Variants in XKR6 observed in about 807,000 individuals in gnomAD.
The protein encoded by XKR6 is XK related 6, also known as XK-related protein 6.
Under a neutral mutation model 56.7 loss-of-function variants are expected in XKR6, and 22 were observed. That is an observed-to-expected ratio of 0.39 (90% CI 0.28 to 0.55). The LOEUF (loss-of-function observed/expected upper bound fraction) is 0.55. XKR6 is among the 20% of genes least tolerant of loss of function. The pLI is 0.66. For synonymous variants in XKR6, 524 were observed against 387.8 expected, an observed-to-expected ratio of 1.35 and a Z score of -4.13; for missense variants, 852 against 889.0, an observed-to-expected ratio of 0.96 and a Z score of 0.53.
chr8:11,058,680 C>T (rs1799748834), intron 1 of XKR6, among the ~76,000 whole-genome samples: 1 of 152,058 alleles, frequency 6.6e-6, no homozygotes, highest in South Asian at 2.1e-4. Context: ...CACACCGGAG[C>T]CTGTCGTGGG....
Position 11,058,860 on chromosome 8 carries a change from A to G in XKR6, c.765-134030T>C, listed in dbSNP as rs143737030. Among the ~76,000 whole-genome samples, 18 of 152,366 alleles carry G rather than the reference A, an allele frequency of 1.2e-4. No homozygotes were observed. The East Asian group carries it at 2.1e-3, about 18-fold the overall frequency. ...CCAGAACTTAGTAAAATTTTTAAAAAAAGAAAGGAATGTATAGTCACTGTG... is the reference window on the plus strand; with the variant it reads ...CCAGAACTTAGTAAAATTTTTAAAAGAAGAAAGGAATGTATAGTCACTGTG... On this transcript the variant is annotated intron_variant, in intron 1 of 2. Transcript: ENST00000416569.
At chr8:10,938,195 C>T (rs905908302) in intron 1 of XKR6, among the ~76,000 whole-genome samples, 66 of 152,294 alleles carry the variant, frequency 4.3e-4, no homozygotes, top group African/African-American at 1.4e-3. Flanking sequence ...TTCTTTGACT[C>T]GGAAAGGGAA....
At chr8:10,935,340 C>CA (rs1441653803) in intron 1 of XKR6, among the ~76,000 whole-genome samples, 5 of 136,472 alleles carry the variant, frequency 3.7e-5, no homozygotes, top group African/African-American at 1.5e-4. Flanking sequence ...TTGATCCTTT[C>CA]AAAAAACCAG....
Position 11,112,417 on chromosome 8 carries a change from G to GA in XKR6, c.764+88158dup, listed in dbSNP as rs917133052. ...AAAGAGGTAGGCCTTTTTTGAAAAA[G>GA]AAAAAAAAACAATTTTTTGGCAAAA... On this transcript the variant is annotated intron_variant, in intron 1 of 2. Coordinates refer to ENST00000416569, the MANE Select transcript of XKR6 (RefSeq NM_173683.4). 2.1e-3 allele frequency among the ~76,000 whole-genome samples: 304 copies of GA among 145,226 alleles called. 2 individuals carry two copies. The highest frequency in any genetic ancestry group is 7.2e-3 in the South Asian group (33 of 4,570).
chr8:10,920,495 A>G (rs1800678431), intron 2 of XKR6, among the ~76,000 whole-genome samples: 1 of 152,172 alleles, frequency 6.6e-6, no homozygotes, highest in African/African-American at 2.4e-5. Context: ...CCCTCCAGGC[A>G]CCCATGTGAC....
At chr8:11,115,107 G>A (rs180690874) in intron 1 of XKR6, among the ~76,000 whole-genome samples, 103 of 152,284 alleles carry the variant, frequency 6.8e-4, no homozygotes, top group African/African-American at 2.2e-3. Context: ...AGGGCAGTAT[G>A]TATTAAGTGA....
chr8:11,152,159 C>G (rs17725534), intron 1 of XKR6, among the ~76,000 whole-genome samples: 33,790 of 152,070 alleles, frequency 0.22, 4,457 homozygotes, highest in Non-Finnish European at 0.3. Context: ...AAAAGTGACA[C>G]TCTTGGGAAT....
chr8:10,988,239 G>A (rs1255784675), intron 1 of XKR6, among the ~76,000 whole-genome samples: 1 of 152,080 alleles, frequency 6.6e-6, no homozygotes, highest in African/African-American at 2.4e-5. Flanking sequence ...ATGGGGGTAT[G>A]GATTCTTAAT....
intron 1 of XKR6, among the ~76,000 whole-genome samples, chr8:11,031,823 C>T (rs1177047957): frequency 6.6e-6 from 1 of 152,248 alleles, no homozygotes; most frequent in Non-Finnish European, 1.5e-5. Flanking sequence ...CATTCCTATA[C>T]TGGAATGGAA....
intron 1 of XKR6, among the ~76,000 whole-genome samples, chr8:11,025,906 C>A (rs1287783732): frequency 6.6e-6 from 1 of 152,128 alleles, no homozygotes; most frequent in Non-Finnish European, 1.5e-5. Flanking sequence ...CTGGTCCAAA[C>A]TGAAATGTGC....
intron 1 of XKR6, chr8:11,124,312 T>C: frequency 3.0e-6 from 1 of 334,242 alleles, no homozygotes. Flanking sequence ...CCTTCATTTC[T>C]ACTGGACTCT....
chr8:11,056,539 C>G (rs577675138), intron 1 of XKR6, among the ~76,000 whole-genome samples: 172 of 152,262 alleles, frequency 1.1e-3, no homozygotes, highest in African/African-American at 4.1e-3. Flanking sequence ...AATGCAACTC[C>G]TCAAAGAGCA....
intron 1 of XKR6, among the ~76,000 whole-genome samples, chr8:11,061,135 C>T (rs1432775171): frequency 6.6e-6 from 1 of 152,176 alleles, no homozygotes; most frequent in African/African-American, 2.4e-5. Flanking sequence ...GGGGCTAAAG[C>T]AGAATAGATG....
At chr8:11,092,110 A>C (rs1798091983) in intron 1 of XKR6, among the ~76,000 whole-genome samples, 2 of 152,194 alleles carry the variant, frequency 1.3e-5, no homozygotes, top group South Asian at 4.1e-4. Context: ...AAAGAGTATA[A>C]ATAATCTTAA....
intron 1 of XKR6, among the ~76,000 whole-genome samples, chr8:10,931,128 T>C (rs1185637850): frequency 1.3e-5 from 2 of 152,184 alleles, no homozygotes; most frequent in East Asian, 3.8e-4. Flanking sequence ...ATTGCGTTTC[T>C]ATAAATGATT....
At chr8:11,080,989 G>C (rs969444730) in intron 1 of XKR6, among the ~76,000 whole-genome samples, 1 of 152,176 alleles carries the variant, frequency 6.6e-6, no homozygotes, top group African/African-American at 2.4e-5. Flanking sequence ...AAATAATCAA[G>C]AAGAAAACTC....
intron 1 of XKR6, among the ~76,000 whole-genome samples, chr8:10,942,364 C>G (rs1346044387): frequency 6.6e-6 from 1 of 152,218 alleles, no homozygotes; most frequent in East Asian, 1.9e-4. Context: ...TATACAGATA[C>G]GTGTGGACAC....
intron 1 of XKR6, among the ~76,000 whole-genome samples, chr8:10,962,431 T>A (rs1378691842): frequency 6.6e-6 from 1 of 152,174 alleles, no homozygotes; most frequent in African/African-American, 2.4e-5. Flanking sequence ...GAGGTAGGAC[T>A]TGACTTCCTT....
chr8:11,065,037 T>C (rs914978387), intron 1 of XKR6, among the ~76,000 whole-genome samples: 1 of 152,216 alleles, frequency 6.6e-6, no homozygotes, highest in African/African-American at 2.4e-5. Flanking sequence ...TAAAAGGATA[T>C]GACACAGCAT....
Sources: allele counts gnomAD v4.1 joint callset (sites outside exome capture counted in the v4.1 genomes callset), GRCh38; gene constraint gnomAD v4.1.1; transcripts MANE v1.5; gene names NCBI Gene and HGNC (gene_info 2026-07-23, HGNC 2026-07-21).